The following SNX9 variants were observed in gnomAD, a reference collection of about 807,000 sequenced individuals.
SNX9 encodes sorting nexin 9, also known as sorting nexin-9.
In SNX9, 44 loss-of-function variants were observed where a neutral mutation model predicts 89.4. The ratio of observed to expected loss-of-function variants is 0.49; its 90% CI spans 0.39 to 0.63. The LOEUF is 0.63. SNX9 is among the 30% of genes least tolerant of loss of function. The pLI, the probability that SNX9 is intolerant of heterozygous loss-of-function variation, is 0.00. For synonymous variants in SNX9, 236 were observed against 247.8 expected (o/e 0.95, Z 0.45); for missense variants, 578 against 736.1 (o/e 0.79, Z 2.49).
Position 157,901,909 on chromosome 6 carries a change from G to A in SNX9, c.484G>A (p.Asp162Asn), listed in dbSNP as rs377290096. The A allele has an allele frequency of 1.1e-5, 17 of 1,605,188 alleles. No homozygotes were observed. The highest frequency in any genetic ancestry group is 1.4e-5 in the African/African-American group (1 of 73,362). ...ATTTTCACCTCTAGCAACTGGTGAT[G>A]ATGATGACTGGGATGAAGACTGGGA... ...QAYQGPATGD[D>N]DDWDEDWDGP... Residue 162 changes from aspartate (D) to asparagine (N), a missense_variant, in exon 6 of 18, where the codon GAT (aspartate) becomes AAT (asparagine). By Grantham distance (23) the Asp-to-Asn change is conservative (BLOSUM62 1). Transcript: ENST00000392185.
intron 1 of SNX9, among the ~76,000 whole-genome samples, chr6:157,853,326 G>A (rs1056267756): frequency 1.3e-5 from 2 of 152,032 alleles, no homozygotes; most frequent in Admixed American, 6.5e-5. Context: ...TTGTTCCACT[G>A]TATGTAATAA....
chr6:157,932,408 G>A (rs958431146), intron 13 of SNX9, 136 bp downstream of exon 13: 48 of 711,840 alleles, frequency 6.7e-5, no homozygotes, highest in Admixed American at 1.0e-4. Context: ...CTAGGCTGCC[G>A]CACTAAGGAC....
chr6:157,904,972 C>A (rs1459652197), intron 6 of SNX9, among the ~76,000 whole-genome samples: 1 of 152,146 alleles, frequency 6.6e-6, no homozygotes, highest in Non-Finnish European at 1.5e-5. Flanking sequence ...ACTTAGTTGC[C>A]AATGACTGAA....
chr6:157,825,399 G>A (rs1781324264), intron 1 of SNX9, among the ~76,000 whole-genome samples: 1 of 152,200 alleles, frequency 6.6e-6, no homozygotes, highest in Admixed American at 6.5e-5. Flanking sequence ...TTAGCAACTA[G>A]TGCAGGTATA....
At chr6:157,926,152 C>T (rs1392217041) in intron 10 of SNX9, among the ~76,000 whole-genome samples, 1 of 152,242 alleles carries the variant, frequency 6.6e-6, no homozygotes, top group Non-Finnish European at 1.5e-5. Flanking sequence ...CACATTCAAA[C>T]CATAGCAGAA....
At chr6:157,926,492 A>G (rs1783694139) in intron 10 of SNX9, among the ~76,000 whole-genome samples, 1 of 152,158 alleles carries the variant, frequency 6.6e-6, no homozygotes, top group African/African-American at 2.4e-5. Context: ...GTCAGAATGC[A>G]TAGGGTGGGC....
chr6:157,823,416 G>T lies in SNX9; in HGVS notation c.-19G>T, dbSNP rs1781274861. ...GCGGGAGACGAGCCGGCCGTCCCGG[G>T]CCGGGGGACCCGCCCGCCATGGCCA... On this transcript the variant is annotated 5_prime_UTR_variant, in exon 1 of 18. Coordinates refer to ENST00000392185, the MANE Select transcript of SNX9 (RefSeq NM_016224.5). This position sits in a 1 kb window ranked among gnomAD's most constrained non-coding sequence, Gnocchi z 4.6. The T allele has an allele frequency of 1.6e-6, 2 of 1,252,160 alleles. No homozygotes were observed. The highest frequency in any genetic ancestry group is 7.7e-5 in the Admixed American group (2 of 25,958). The allele number at this position is 1,252,160 out of a possible 1,614,324, so 77.6% of individuals were successfully genotyped here.
At chr6:157,833,609 G>A (rs1781516034) in intron 1 of SNX9, among the ~76,000 whole-genome samples, 1 of 152,144 alleles carries the variant, frequency 6.6e-6, no homozygotes, top group Non-Finnish European at 1.5e-5. Context: ...GTTACAAATT[G>A]CTGTTTCATA....
chr6:157,828,837 G>T (rs887808318), intron 1 of SNX9, among the ~76,000 whole-genome samples: 1 of 151,966 alleles, frequency 6.6e-6, no homozygotes, highest in Admixed American at 6.6e-5. Flanking sequence ...TGATGTCCCC[G>T]CCCCTGTTTC....
intron 16 of SNX9, among the ~76,000 whole-genome samples, chr6:157,939,977 C>G (rs1261174101): frequency 6.9e-6 from 1 of 144,246 alleles, no homozygotes; most frequent in Non-Finnish European, 1.5e-5. Flanking sequence ...GCAGGGGGGA[C>G]AGAGAAAGAA....
At chr6:157,907,896 G>C (rs2115176926) in intron 7 of SNX9, among the ~76,000 whole-genome samples, 1 of 152,374 alleles carries the variant, frequency 6.6e-6, no homozygotes, top group South Asian at 2.1e-4. Context: ...CTCACTGAGG[G>C]AGGTCCCGAA....
intron 4 of SNX9, 74 bp downstream of exon 4, chr6:157,875,250 G>A (rs1782496411): frequency 1.3e-6 from 2 of 1,504,844 alleles, no homozygotes; most frequent in South Asian, 1.4e-5. Context: ...GGCTTGTGAT[G>A]CATTATAGCT....
chr6:157,870,165 C>G (rs1265318604), intron 2 of SNX9, among the ~76,000 whole-genome samples: 1 of 151,942 alleles, frequency 6.6e-6, no homozygotes, highest in Non-Finnish European at 1.5e-5. Flanking sequence ...CTCACCTGCT[C>G]TCATGCACAC....
intron 2 of SNX9, among the ~76,000 whole-genome samples, chr6:157,869,349 C>G (rs1583208494): frequency 6.6e-6 from 1 of 152,130 alleles, no homozygotes; most frequent in East Asian, 1.9e-4. Context: ...TCAGAGGAGG[C>G]CAGACACCTT....
intron 1 of SNX9, among the ~76,000 whole-genome samples, chr6:157,862,380 C>T (rs1328183314): frequency 1.3e-5 from 2 of 152,146 alleles, no homozygotes; most frequent in African/African-American, 4.8e-5. Flanking sequence ...GTTAAACAAG[C>T]TTGCCATTTA....
intron 13 of SNX9, among the ~76,000 whole-genome samples, chr6:157,933,040 G>A (rs1783847367): frequency 6.6e-6 from 1 of 151,958 alleles, no homozygotes; most frequent in African/African-American, 2.4e-5. Flanking sequence ...GTTTACATTG[G>A]CAGCACTTAT....
chr6:157,823,418 C>CG lies in SNX9; in HGVS notation c.-12dup. On this transcript the variant is annotated 5_prime_UTR_variant, in exon 1 of 18. Coordinates refer to ENST00000392185, the MANE Select transcript of SNX9 (RefSeq NM_016224.5). This position sits in a 1 kb window ranked among gnomAD's most constrained non-coding sequence, Gnocchi z 4.6. The stretch of plus-strand genomic sequence containing the variant: ...GGGAGACGAGCCGGCCGTCCCGGGC[C>CG]GGGGGACCCGCCCGCCATGGCCACC... 1 of 1,248,550 alleles carries CG rather than the reference C, an allele frequency of 8.0e-7. No homozygotes were observed. The highest frequency in any genetic ancestry group is 2.4e-5 in the South Asian group (1 of 42,190). The allele number at this position is 1,248,550 out of a possible 1,614,324, so 77.3% of individuals were successfully genotyped here. A position where few individuals can be genotyped will look rare whatever the true frequency, so the allele number is the denominator to read the frequency against.
rs1782633236 is a variant in SNX9 at position 157,881,883 on chromosome 6, G to A, written c.300+6707G>A. On this transcript the variant is annotated intron_variant, in intron 4 of 17. Coordinates refer to ENST00000392185, the MANE Select transcript of SNX9 (RefSeq NM_016224.5). ...CTGTCTTCATAATATAAAAGTGCAC[G>A]GTGAAGCAGCAGGTGCTGCTGTGGA... is the stretch of plus-strand genomic sequence containing the variant. 2.0e-5 allele frequency among the ~76,000 whole-genome samples: 3 copies of A among 152,184 alleles called. No homozygotes were observed. The South Asian group carries it at 6.2e-4, about 32-fold the overall frequency.
chr6:157,872,948 T>G (rs2115140013), intron 2 of SNX9, 154 bp from the exon 3 acceptor site: 2 of 503,772 alleles, frequency 4.0e-6, no homozygotes. Context: ...AAGAGAAGGC[T>G]TAAGAATTTA....
Sources: gnomAD v4.1 joint callset for allele counts (sites outside exome capture counted in the v4.1 genomes callset) on GRCh38, gnomAD v4.1.1 for gene constraint, Gnocchi (gnomAD v3.1) non-coding constraint, MANE v1.5 for transcripts, NCBI Gene and HGNC (gene_info 2026-07-23, HGNC 2026-07-21) for gene names.